The following SERPINB5 variants were observed in gnomAD, a reference collection of about 807,000 sequenced individuals.
The protein encoded by SERPINB5 is serpin B5.
A neutral mutation model predicts 32.2 loss-of-function variants in SERPINB5; 27 were observed. The ratio of observed to expected loss-of-function variants is 0.84; its 90% confidence interval spans 0.62 to 1.16. The LOEUF is 1.16. Ranked by LOEUF, SERPINB5 falls within the 50% of genes most tolerant of loss-of-function variation. SERPINB5 has a pLI of 0.00. For missense variants in SERPINB5, 388 were observed against 436.3 expected, an observed-to-expected ratio of 0.89 and a Z score of 0.99; for synonymous variants, 154 against 157.4, an observed-to-expected ratio of 0.98 and a Z score of 0.16.
At chr18:63,478,185 A>G (rs185232628) in intron 1 of SERPINB5, among the ~76,000 whole-genome samples, 1 of 152,280 alleles carries the variant, frequency 6.6e-6, no homozygotes, top group East Asian at 1.9e-4. Context: ...AACGCCTTGA[A>G]TTGTGCCACT....
intron 6 of SERPINB5, among the ~76,000 whole-genome samples, chr18:63,502,600 A>G (rs1909591781): frequency 6.6e-6 from 1 of 152,058 alleles, no homozygotes; most frequent in Non-Finnish European, 1.5e-5. Context: ...AATATTCTGG[A>G]TTTCCTCGTA....
At chr18:63,491,727 A>G (rs1909342753) in intron 4 of SERPINB5, among the ~76,000 whole-genome samples, 1 of 152,010 alleles carries the variant, frequency 6.6e-6, no homozygotes, top group African/African-American at 2.4e-5. Flanking sequence ...CACCCGCCTC[A>G]GCCTCCCAAA....
chr18:63,493,108 G>A lies in SERPINB5; in HGVS notation c.567+13G>A. ...CAGAGTCAACAAGGTATGTGGGGCA[G>A]CATGTAGCAGTAAAAGGAGCCCAAT... is the stretch of plus-strand genomic sequence containing the variant. On this transcript the variant is annotated intron_variant, in intron 5 of 6. Coordinates refer to ENST00000382771, the MANE Select transcript of SERPINB5 (RefSeq NM_002639.5). The A allele has an allele frequency of 6.2e-7, 1 of 1,614,140 alleles. No individual in the cohort carries two copies. Among genetic ancestry groups the A allele is most frequent in the Non-Finnish European group, 8.5e-7 (1 of 1,180,028 alleles).
chr18:63,484,667 G>A, intron 2 of SERPINB5, 71 bp downstream of exon 2: 1 of 1,384,220 alleles, frequency 7.2e-7, no homozygotes, highest in African/African-American at 1.5e-5. Context: ...AGTGCCTACG[G>A]AAAAAAGGAA....
intron 3 of SERPINB5, among the ~76,000 whole-genome samples, chr18:63,487,827 G>A (rs1917239299): frequency 6.6e-6 from 1 of 151,974 alleles, no homozygotes; most frequent in Non-Finnish European, 1.5e-5. Flanking sequence ...AGAATTTCAA[G>A]GTTTCCAAAT....
intron 6 of SERPINB5, among the ~76,000 whole-genome samples, chr18:63,499,771 C>T (rs373122126): frequency 6.6e-6 from 1 of 152,224 alleles, no homozygotes; most frequent in African/African-American, 2.4e-5. Flanking sequence ...GGTCCACTAT[C>T]ATGTGACCTG....
chr18:63,489,541 G>A, intron 4 of SERPINB5, 77 bp downstream of exon 4: 5 of 797,652 alleles, frequency 6.3e-6, no homozygotes, highest in Admixed American at 2.6e-5. Flanking sequence ...TTGCTCCAAG[G>A]ATAAAAAAAA....
intron 3 of SERPINB5, among the ~76,000 whole-genome samples, chr18:63,488,883 A>G (rs1917256336): frequency 1.3e-5 from 2 of 152,158 alleles, no homozygotes; most frequent in Non-Finnish European, 2.9e-5. Flanking sequence ...TATTTCTAAC[A>G]AGGTCTCAGG....
chr18:63,494,815 C>T (rs1375943757), intron 5 of SERPINB5, among the ~76,000 whole-genome samples: 3 of 152,176 alleles, frequency 2.0e-5, no homozygotes, highest in Non-Finnish European at 2.9e-5. Flanking sequence ...CCCCTACTAG[C>T]GCATGGGATT....
chr18:63,495,561 A>G (rs952636888), intron 5 of SERPINB5, among the ~76,000 whole-genome samples: 1 of 152,242 alleles, frequency 6.6e-6, no homozygotes, highest in Non-Finnish European at 1.5e-5. Context: ...GCCTGGAAGG[A>G]ACACCATGAA....
intron 6 of SERPINB5, among the ~76,000 whole-genome samples, chr18:63,499,767 C>T (rs1909533107): frequency 1.3e-5 from 2 of 152,136 alleles, no homozygotes; most frequent in Admixed American, 6.5e-5. Context: ...GCCAGGTCCA[C>T]TATCATGTGA....
intron 1 of SERPINB5, among the ~76,000 whole-genome samples, chr18:63,479,328 A>C (rs1917088104): frequency 6.6e-6 from 1 of 152,224 alleles, no homozygotes; most frequent in Non-Finnish European, 1.5e-5. Context: ...AAGACAAAAA[A>C]TGTGAGGACC....
At chr18:63,479,849 T>C (rs1460221656) in intron 1 of SERPINB5, among the ~76,000 whole-genome samples, 4 of 152,136 alleles carry the variant, frequency 2.6e-5, no homozygotes, top group South Asian at 2.1e-4. Context: ...AGGAAAATCA[T>C]AGGGAAGAAG....
intron 2 of SERPINB5, among the ~76,000 whole-genome samples, chr18:63,486,322 G>A (rs1289346623): frequency 1.3e-5 from 2 of 152,086 alleles, no homozygotes; most frequent in African/African-American, 4.8e-5. Context: ...ACCATTTATT[G>A]TAGCTGCCCA....
At chr18:63,496,440 C>T (rs1342143367) in intron 5 of SERPINB5, among the ~76,000 whole-genome samples, 2 of 152,140 alleles carry the variant, frequency 1.3e-5, no homozygotes, top group Admixed American at 6.5e-5. Context: ...CAGTGAGAAA[C>T]TACAAGCTGG....
At chr18:63,485,668 G>A (rs1023278350) in intron 2 of SERPINB5, 1 of 152,188 alleles carries the variant, frequency 6.6e-6, no homozygotes, top group African/African-American at 2.4e-5. Flanking sequence ...GAACTTCCGG[G>A]TAGTGGGTCT....
chr18:63,479,966 G>T (rs1917099956), intron 1 of SERPINB5, among the ~76,000 whole-genome samples: 1 of 152,190 alleles, frequency 6.6e-6, no homozygotes, highest in African/African-American at 2.4e-5. Flanking sequence ...GAGAACAAAT[G>T]CCAGCAAAGA....
At position 63,487,297 on chromosome 18, in the gene SERPINB5, G is replaced by A. The variant is rs1340926876; in HGVS notation, c.306+214G>A. Among the ~76,000 whole-genome samples the A allele has an allele frequency of 2.0e-5, 3 of 152,252 alleles. No individual in the cohort carries two copies. The East Asian group carries it at 5.8e-4, about 29-fold the overall frequency. On this transcript the variant is annotated intron_variant, in intron 3 of 6. Transcript: ENST00000382771. The stretch of plus-strand genomic sequence containing the variant: ...TAACTCAAAATACAGAGAAGCTTAT[G>A]GGCTTTCCTTTTCTCTCTCAAATAA...
chr18:63,478,163 T>C (rs944936446), intron 1 of SERPINB5, among the ~76,000 whole-genome samples: 2 of 152,218 alleles, frequency 1.3e-5, no homozygotes, highest in South Asian at 2.1e-4. Context: ...CAGGTTTATA[T>C]CTTTGCTTCC....
Sources: gnomAD v4.1 joint callset for allele counts (sites outside exome capture counted in the v4.1 genomes callset) on GRCh38, gnomAD v4.1.1 for gene constraint, MANE v1.5 for transcripts, NCBI Gene and HGNC (gene_info 2026-07-23, HGNC 2026-07-21) for gene names.